Variants in MXI1 observed in about 807,000 individuals in gnomAD.
MXI1 encodes MAX interactor 1, dimerization protein, also known as max-interacting protein 1.
MXI1 carries 18 observed loss-of-function variants against 36.9 expected under a neutral mutation model. That is an observed-to-expected ratio of 0.49 (90% CI 0.34 to 0.72). The LOEUF (loss-of-function observed/expected upper bound fraction) is 0.72, where lower values mean the gene tolerates loss of function less well. Among genes scored for constraint, MXI1 ranks in the 30% least tolerant of loss-of-function variants. The pLI is 0.01. For missense variants in MXI1, 304 were observed against 379.1 expected (o/e 0.80, Z 1.64); for synonymous variants, 160 against 146.7 (o/e 1.09, Z -0.65).
intron 2 of MXI1, among the ~76,000 whole-genome samples, chr10:110,243,446 G>T (rs111895350): frequency 0.052 from 7,986 of 152,128 alleles, 321 homozygotes; most frequent in Middle Eastern, 0.15. Flanking sequence ...GTGGGTAAAA[G>T]TTACACAAAT....
At chr10:110,278,116 T>A (rs1185966902) in intron 3 of MXI1, among the ~76,000 whole-genome samples, 2 of 152,196 alleles carry the variant, frequency 1.3e-5, no homozygotes, top group African/African-American at 4.8e-5. Flanking sequence ...TTTTCAGATA[T>A]GCTGTTAACT....
intron 2 of MXI1, among the ~76,000 whole-genome samples, chr10:110,234,476 C>G (rs758556652): frequency 2.6e-5 from 4 of 152,016 alleles, no homozygotes; most frequent in Non-Finnish European, 5.9e-5. Flanking sequence ...CCCATAATAT[C>G]AAACCTATTT....
chr10:110,256,602 CAAAAAAA>C (rs58267076), intron 3 of MXI1, among the ~76,000 whole-genome samples: 4 of 48,870 alleles, frequency 8.2e-5, no homozygotes, highest in South Asian at 5.5e-4. Context: ...GACTCTGTCT[CAAAAAAA>C]AAAAAAAAAA....
chr10:110,220,954 A>G (rs988969228), intron 1 of MXI1, among the ~76,000 whole-genome samples: 12 of 152,202 alleles, frequency 7.9e-5, no homozygotes, highest in Non-Finnish European at 1.6e-4. Flanking sequence ...ACACTAACAA[A>G]TGTTGAAAAG....
intron 2 of MXI1, among the ~76,000 whole-genome samples, chr10:110,240,901 T>C (rs1431840302): frequency 6.6e-6 from 1 of 152,052 alleles, no homozygotes; most frequent in African/African-American, 2.4e-5. Flanking sequence ...TTTCTTTTGC[T>C]AGAAGAGAGT....
intron 2 of MXI1, among the ~76,000 whole-genome samples, chr10:110,233,473 GA>G (rs1229831594): frequency 6.6e-6 from 1 of 151,946 alleles, no homozygotes; most frequent in East Asian, 1.9e-4. Context: ...CAGAAGAATT[GA>G]ATGAAGCCTT....
chr10:110,258,921 A>T (rs1394201463), intron 3 of MXI1, among the ~76,000 whole-genome samples: 2 of 140,150 alleles, frequency 1.4e-5, no homozygotes, highest in Non-Finnish European at 3.1e-5. Context: ...TCATTCGGAG[A>T]CAAAGACTGA....
At chr10:110,266,415 G>C (rs920618824) in intron 3 of MXI1, among the ~76,000 whole-genome samples, 1 of 152,102 alleles carries the variant, frequency 6.6e-6, no homozygotes, top group Non-Finnish European at 1.5e-5. Flanking sequence ...GCCTAATACA[G>C]TGTCATTTTT....
intron 3 of MXI1, among the ~76,000 whole-genome samples, chr10:110,256,842 T>C (rs1033318639): frequency 6.6e-6 from 1 of 152,156 alleles, no homozygotes; most frequent in Non-Finnish European, 1.5e-5. Context: ...TAAAAACTGA[T>C]AATGTCATCA....
chr10:110,286,111 T>A lies in MXI1; in HGVS notation c.*1124T>A, dbSNP rs1857420963. On this transcript the variant is annotated 3_prime_UTR_variant, in exon 6 of 6. Transcript: ENST00000332674. ...AGAAAAAGGGTCAATGCTATTTTTG[T>A]TTTTAGAATCATTACCTTTTACCAG... 1 of 152,614 alleles carries A rather than the reference T, an allele frequency of 6.6e-6. No individual in the cohort carries two copies. The highest frequency in any genetic ancestry group is 6.5e-5 in the Admixed American group (1 of 15,282). The allele number at this position is 152,614 out of a possible 1,614,324, so 9.5% of individuals were successfully genotyped here.
At chr10:110,213,311 T>C (rs2134324753) in intron 1 of MXI1, among the ~76,000 whole-genome samples, 1 of 152,320 alleles carries the variant, frequency 6.6e-6, no homozygotes, top group Admixed American at 6.5e-5. Flanking sequence ...ATGGCAGCAA[T>C]CTTATGAATT....
chr10:110,215,413 G>A (rs532785779), intron 1 of MXI1, among the ~76,000 whole-genome samples: 1 of 152,282 alleles, frequency 6.6e-6, no homozygotes, highest in East Asian at 1.9e-4. Flanking sequence ...AGGTCACAGA[G>A]CATCCATCAT....
intron 1 of MXI1, among the ~76,000 whole-genome samples, chr10:110,224,546 G>A (rs1385631685): frequency 2.0e-5 from 3 of 152,100 alleles, no homozygotes; most frequent in Admixed American, 1.3e-4. Flanking sequence ...TGTCAATGAT[G>A]CTAAAGTTGA....
At chr10:110,230,510 A>G (rs921421154) in intron 2 of MXI1, among the ~76,000 whole-genome samples, 2 of 152,202 alleles carry the variant, frequency 1.3e-5, no homozygotes, top group East Asian at 1.9e-4. Flanking sequence ...GAGAGAGAGA[A>G]AAATATATTT....
intron 1 of MXI1, among the ~76,000 whole-genome samples, chr10:110,217,507 C>T: frequency 6.6e-6 from 1 of 152,198 alleles, no homozygotes; most frequent in African/African-American, 2.4e-5. Flanking sequence ...TTATGGTGCC[C>T]CTGTGTTATC....
intron 3 of MXI1, among the ~76,000 whole-genome samples, chr10:110,262,623 A>G (rs1328152220): frequency 6.6e-6 from 1 of 152,126 alleles, no homozygotes; most frequent in Non-Finnish European, 1.5e-5. Context: ...CTTAGTTTAC[A>G]GTACTTTAAA....
chr10:110,233,285 TTATTG>T (rs1436824272), intron 2 of MXI1, among the ~76,000 whole-genome samples: 6 of 152,170 alleles, frequency 3.9e-5, no homozygotes, highest in Non-Finnish European at 7.4e-5. Flanking sequence ...TTAGATAGAA[TTATTG>T]TATTGTTATT....
chr10:110,224,635 C>CT (rs34948360), intron 1 of MXI1, among the ~76,000 whole-genome samples: 6,549 of 126,382 alleles, frequency 0.052, 235 homozygotes, highest in Middle Eastern at 0.11. Context: ...CAGTCAGTGG[C>CT]TTTTTTTTTT....
intron 5 of MXI1, among the ~76,000 whole-genome samples, chr10:110,283,309 G>A (rs2134481342): frequency 6.6e-6 from 1 of 151,538 alleles, no homozygotes; most frequent in East Asian, 1.9e-4. Flanking sequence ...TGTCGCCTAG[G>A]CTGGAGTGCA....
Sources: allele counts gnomAD v4.1 joint callset (sites outside exome capture counted in the v4.1 genomes callset), GRCh38; gene constraint gnomAD v4.1.1; transcripts MANE v1.5; gene names NCBI Gene and HGNC (gene_info 2026-07-23, HGNC 2026-07-21).